Variants in RIN2 observed in about 807,000 individuals in gnomAD.
RIN2 encodes the protein Ras and Rab interactor 2, also known as RAB5 interacting protein 2.
RIN2 carries 36 observed loss-of-function variants against 78.0 expected under a neutral mutation model. The ratio of observed to expected loss-of-function variants is 0.46; its 90% confidence interval spans 0.35 to 0.61. The LOEUF (loss-of-function observed/expected upper bound fraction) is 0.61, where lower values mean the gene tolerates loss of function less well. Among genes scored for constraint, RIN2 ranks in the 20% least tolerant of loss-of-function variants. RIN2 has a pLI of 0.00. For synonymous variants in RIN2, 466 were observed against 466.8 expected (o/e 1.00, Z 0.02); for missense variants, 1,087 against 1,159.7 (o/e 0.94, Z 0.91).
chr20:19,957,935 A>C (rs1330897774), intron 5 of RIN2, among the ~76,000 whole-genome samples: 1 of 152,202 alleles, frequency 6.6e-6, no homozygotes, highest in Non-Finnish European at 1.5e-5. Context: ...CCAAAGGATA[A>C]ATACAATAAG....
At chr20:19,806,235 C>T (rs1039727283) in intron 2 of RIN2, among the ~76,000 whole-genome samples, 1 of 152,148 alleles carries the variant, frequency 6.6e-6, no homozygotes, top group African/African-American at 2.4e-5. Context: ...GGTATATACC[C>T]AGTAATGGGA....
At chr20:19,922,448 C>T (rs2039962561) in intron 3 of RIN2, among the ~76,000 whole-genome samples, 1 of 152,070 alleles carries the variant, frequency 6.6e-6, no homozygotes, top group African/African-American at 2.4e-5. Flanking sequence ...CACTGTGCAG[C>T]CTGATGTTTC....
intron 2 of RIN2, among the ~76,000 whole-genome samples, chr20:19,833,593 A>G (rs1019351872): frequency 6.6e-6 from 1 of 152,252 alleles, no homozygotes; most frequent in East Asian, 1.9e-4. Flanking sequence ...TTTGCTCTCA[A>G]TTACTTGGTT....
chr20:19,898,981 CAG>C (rs1169470201), intron 3 of RIN2, among the ~76,000 whole-genome samples: 1 of 152,184 alleles, frequency 6.6e-6, no homozygotes, highest in Non-Finnish European at 1.5e-5. Flanking sequence ...AAGCAGCAAT[CAG>C]AGGAAAATTC....
intron 2 of RIN2, among the ~76,000 whole-genome samples, chr20:19,819,962 C>T (rs1284525508): frequency 6.6e-6 from 1 of 152,202 alleles, no homozygotes; most frequent in African/African-American, 2.4e-5. Flanking sequence ...CTCAAAGTCA[C>T]ACAAATGCAA....
At chr20:19,906,556 T>A (rs995572391) in intron 3 of RIN2, among the ~76,000 whole-genome samples, 1 of 152,152 alleles carries the variant, frequency 6.6e-6, no homozygotes, top group African/African-American at 2.4e-5. Flanking sequence ...CAGGCCAAAG[T>A]TGATAAATGG....
chr20:19,952,534 G>A (rs1568653824), intron 4 of RIN2, among the ~76,000 whole-genome samples: 1 of 152,238 alleles, frequency 6.6e-6, no homozygotes, highest in African/African-American at 2.4e-5. Flanking sequence ...TATGGTTGCT[G>A]TTTTATAAGG....
rs879419110 is a variant in RIN2 at position 19,851,032 on chromosome 20, AGGAAGGAAGGAAGGAAGG to A, written c.-36-38533_-36-38516del. ...AAGGAAGGAAGGAAGGAAGGAAGGA[AGGAAGGAAGGAAGGAAGG>A]AGAAAGAAAGGAAGGAAGGAAGGAA... On this transcript the variant is annotated intron_variant, in intron 2 of 12. Transcript: ENST00000255006. 5.4e-3 allele frequency among the ~76,000 whole-genome samples: 617 copies of A among 114,838 alleles called. 3 individuals carry two copies. Among genetic ancestry groups the A allele is most frequent in the Non-Finnish European group, 8.1e-3 (447 of 55,338 alleles). 75.3% of individuals were successfully genotyped at this position (114,838 alleles called of 152,430 possible). A position where few individuals can be genotyped will look rare whatever the true frequency, so the allele number is the denominator to read the frequency against.
intron 1 of RIN2, among the ~76,000 whole-genome samples, chr20:19,772,394 C>G (rs966423491): frequency 6.6e-6 from 1 of 152,136 alleles, no homozygotes; most frequent in Non-Finnish European, 1.5e-5. Context: ...CACCGATGAC[C>G]CCCCTGTTTT....
rs556280900 is a variant in RIN2, at chr20:19,841,466, A to T, written c.-37+41719A>T. On this transcript the variant is annotated intron_variant, in intron 2 of 12. Coordinates refer to ENST00000255006, the MANE Select transcript of RIN2 (RefSeq NM_018993.4). ...ATGGAATTAAAAAGGCCACCATTGA[A>T]ATGACGATCTGAACCATAAAGGCAG... Among the ~76,000 whole-genome samples the T allele has an allele frequency of 2.9e-4, 44 of 152,220 alleles. No homozygotes were observed. The South Asian group carries it at 8.9e-3, about 31-fold the overall frequency.
chr20:19,974,941 T>TTCC lies in RIN2; in HGVS notation c.916_917insTCC (p.Ser306delinsPhePro). The TTCC allele has an allele frequency of 6.4e-7, 1 of 1,571,240 alleles. No individual in the cohort carries two copies. On this transcript the variant is annotated protein_altering_variant, in exon 9 of 13. Transcript: ENST00000255006. ...CGCGAATGGCACGGAGCGGACTCGG[T>TTCC]CCCCCCCACCCAGGCCCCCGCCACC...
chr20:19,934,433 T>C (rs2040554224), intron 3 of RIN2: 48 of 980,608 alleles, frequency 4.9e-5, no homozygotes, highest in Non-Finnish European at 5.8e-5. Context: ...TGCAGGTGCA[T>C]GGATAGGTGG....
chr20:19,814,406 T>C (rs952721864), intron 2 of RIN2, among the ~76,000 whole-genome samples: 9 of 148,790 alleles, frequency 6.0e-5, no homozygotes, highest in African/African-American at 2.2e-4. Flanking sequence ...TCCACAAGTC[T>C]GACTCTGCCT....
At chr20:19,812,071 A>T (rs1185861968) in intron 2 of RIN2, among the ~76,000 whole-genome samples, 1 of 124,726 alleles carries the variant, frequency 8.0e-6, no homozygotes, top group East Asian at 2.4e-4. Context: ...CTTTTTTTTT[A>T]CCACTGAATA....
At chr20:19,763,747 T>C (rs2033749962) in intron 1 of RIN2, among the ~76,000 whole-genome samples, 1 of 152,226 alleles carries the variant, frequency 6.6e-6, no homozygotes, top group Non-Finnish European at 1.5e-5. Flanking sequence ...ATTACTAACG[T>C]TGAATGATGC....
intron 1 of RIN2, among the ~76,000 whole-genome samples, chr20:19,784,284 G>A (rs1055375724): frequency 6.6e-6 from 1 of 152,128 alleles, no homozygotes; most frequent in Non-Finnish European, 1.5e-5. Flanking sequence ...GTAGCTTCAA[G>A]TATGCTATAG....
chr20:19,890,270 T>C (rs1440319114), intron 3 of RIN2, among the ~76,000 whole-genome samples: 4 of 152,152 alleles, frequency 2.6e-5, no homozygotes, highest in African/African-American at 9.7e-5. Context: ...AGATTTTAAA[T>C]GGGTGTTTTA....
At chr20:19,880,668 G>A (rs1410357749) in intron 2 of RIN2, among the ~76,000 whole-genome samples, 3 of 151,942 alleles carry the variant, frequency 2.0e-5, no homozygotes, top group Admixed American at 1.3e-4. Flanking sequence ...GCACCTAGCC[G>A]AGAAAGTCAT....
At chr20:19,923,474 A>T (rs368927586) in intron 3 of RIN2, among the ~76,000 whole-genome samples, 10 of 108,518 alleles carry the variant, frequency 9.2e-5, no homozygotes, top group Non-Finnish European at 1.7e-4. Flanking sequence ...TAAAATAAAT[A>T]AAATAAAATA....
Sources: gnomAD v4.1 joint callset for allele counts (sites outside exome capture counted in the v4.1 genomes callset) on GRCh38, gnomAD v4.1.1 for gene constraint, MANE v1.5 for transcripts, NCBI Gene and HGNC (gene_info 2026-07-23, HGNC 2026-07-21) for gene names.